The following SLC12A2 variants were observed in gnomAD, a reference collection of about 807,000 sequenced individuals.
The protein encoded by SLC12A2 is Na-K-2Cl cotransporter 1.
SLC12A2 carries 67 observed loss-of-function variants against 136.3 expected under a neutral mutation model. The ratio of observed to expected loss-of-function variants is 0.49; its 90% CI spans 0.40 to 0.60. The LOEUF (loss-of-function observed/expected upper bound fraction) is 0.60. Among genes scored for constraint, SLC12A2 ranks in the 20% least tolerant of loss-of-function variants. The pLI, the probability that SLC12A2 is intolerant of heterozygous loss-of-function variation, is 0.00. For missense variants in SLC12A2, 1,322 were observed against 1,534.7 expected (o/e 0.86, Z 2.32); for synonymous variants, 619 against 562.9 (o/e 1.10, Z -1.41).
At chr5:128,110,660 T>TC in intron 1 of SLC12A2, 1 of 1,242,044 alleles carries the variant, frequency 8.1e-7, no homozygotes, top group African/African-American at 1.5e-5. Flanking sequence ...AAGCCAAGAC[T>TC]CCGTCTACTA....
chr5:128,163,576 A>G (rs1350636864), intron 17 of SLC12A2, among the ~76,000 whole-genome samples: 2 of 152,160 alleles, frequency 1.3e-5, no homozygotes, highest in African/African-American at 4.8e-5. Flanking sequence ...ATAGTGAAAA[A>G]GAATCGGAAG....
chr5:128,131,544 A>G (rs1234024198), intron 5 of SLC12A2, among the ~76,000 whole-genome samples: 1 of 151,800 alleles, frequency 6.6e-6, no homozygotes, highest in Non-Finnish European at 1.5e-5. Context: ...ATACAAAAAA[A>G]AAAAAAAAAA....
chr5:128,184,199 G>T (rs534504903), intron 24 of SLC12A2, among the ~76,000 whole-genome samples, 167 bp from the exon 25 acceptor site: 1 of 152,152 alleles, frequency 6.6e-6, no homozygotes, highest in East Asian at 1.9e-4. Flanking sequence ...ACTAGAAATT[G>T]CTGTTTTTGA....
intron 10 of SLC12A2, among the ~76,000 whole-genome samples, chr5:128,144,291 A>T (rs1400636627): frequency 6.6e-6 from 1 of 152,188 alleles, no homozygotes; most frequent in Non-Finnish European, 1.5e-5. Flanking sequence ...ACTTTTCAAA[A>T]ATACTTTGTA....
rs1009068162 is a variant in SLC12A2 at position 128,151,511 on chromosome 5, C to T, written c.2263+115C>T. On this transcript the variant is annotated intron_variant, in intron 14 of 26. Coordinates refer to ENST00000262461, the MANE Select transcript of SLC12A2 (RefSeq NM_001046.3). The stretch of plus-strand genomic sequence containing the variant: ...GCATCATCTTTTGTATATTTGAAAG[C>T]TACTTTGTATAAAACCTAAAATACT... 38 of 981,336 alleles carry T rather than the reference C, an allele frequency of 3.9e-5. 1 individual carries two copies. The highest frequency in any genetic ancestry group is 2.9e-4 in the Admixed American group (9 of 31,068). 60.8% of individuals were successfully genotyped at this position (981,336 alleles called of 1,614,324 possible).
intron 1 of SLC12A2, among the ~76,000 whole-genome samples, chr5:128,103,112 T>C (rs1760805266): frequency 1.3e-5 from 2 of 152,152 alleles, no homozygotes; most frequent in South Asian, 4.1e-4. Context: ...TGCTGAGGAG[T>C]AGAATTGCTG....
intron 15 of SLC12A2, among the ~76,000 whole-genome samples, chr5:128,154,450 A>C (rs988868554): frequency 5.3e-5 from 8 of 152,018 alleles, no homozygotes; most frequent in African/African-American, 1.7e-4. Context: ...TTGGCTTTTT[A>C]ATTTTTATTA....
In SLC12A2 at chr5:128,084,853, GGTGGA is replaced by G; in HGVS notation, c.756+144_756+148del. The G allele has an allele frequency of 9.9e-7, 1 of 1,010,818 alleles. No homozygotes were observed. Among genetic ancestry groups the G allele is most frequent in the Non-Finnish European group, 1.4e-6 (1 of 713,120 alleles). 62.6% of individuals were successfully genotyped at this position (1,010,818 alleles called of 1,614,324 possible). ...GGCATCTCTGGATTCAGCTGTCAAG[GGTGGA>G]ATTGCCGAGGAATGTTAACTTAATC... On this transcript the variant is annotated intron_variant, in intron 1 of 26. Coordinates refer to ENST00000262461, the MANE Select transcript of SLC12A2 (RefSeq NM_001046.3). This position sits in a 1 kb window ranked among gnomAD's most constrained non-coding sequence, Gnocchi z 5.6.
intron 16 of SLC12A2, 95 bp downstream of exon 16, chr5:128,158,259 G>A: frequency 1.2e-6 from 1 of 848,478 alleles, no homozygotes; most frequent in Non-Finnish European, 1.9e-6. Context: ...TAGCTAAATT[G>A]TGTGTCACAG....
intron 15 of SLC12A2, among the ~76,000 whole-genome samples, chr5:128,157,772 A>G (rs1359929859): frequency 6.6e-6 from 1 of 152,174 alleles, no homozygotes; most frequent in Admixed American, 6.6e-5. Flanking sequence ...TATTTTTTTA[A>G]CTAGCATGAT....
intron 4 of SLC12A2, among the ~76,000 whole-genome samples, chr5:128,120,712 G>C (rs1380943900): frequency 6.6e-6 from 1 of 152,026 alleles, no homozygotes; most frequent in Non-Finnish European, 1.5e-5. Context: ...ACTGTTGTGG[G>C]GTGAGGGGAG....
rs755810928 is a variant in SLC12A2 at position 128,084,627 on chromosome 5, G to C, written c.673G>C (p.Asp225His). The change falls in exon 1 of 27, where the codon GAT (aspartate) becomes CAT (histidine). Residue 225 changes from aspartate (D) to histidine (H), a missense_variant. Asp to His is a moderately conservative substitution (Grantham distance 81, BLOSUM62 -1). This residue lies in a region of SLC12A2 where 32 missense variants were observed against 63.6 expected (regional missense o/e 0.50). Coordinates refer to ENST00000262461, the MANE Select transcript of SLC12A2 (RefSeq NM_001046.3). The surrounding 1 kb of genome is among the most constrained non-coding windows in gnomAD (Gnocchi z 5.6). ...HNTMDAVPRI[D>H]HYRHTAAQLG... is the part of the protein sequence containing the mutation. ...CACCATGGACGCTGTGCCCAGGATC[G>C]ATCACTACCGGCACACAGCCGCGCA... is the stretch of plus-strand genomic sequence containing the variant. 6.2e-7 allele frequency: 1 copy of C among 1,613,406 alleles called. No homozygotes were observed. Among genetic ancestry groups the C allele is most frequent in the Non-Finnish European group, 8.5e-7 (1 of 1,179,918 alleles).
At chr5:128,135,121 G>T (rs3805606) in intron 6 of SLC12A2, among the ~76,000 whole-genome samples, 52,806 of 151,860 alleles carry the variant, frequency 0.35, 11,873 homozygotes, top group African/African-American at 0.64. Context: ...GAGTGTTCAG[G>T]TTTATTGAGA....
At chr5:128,186,418 T>A (rs931244171) in intron 26 of SLC12A2, 78 bp from the exon 27 acceptor site, 1 of 1,392,248 alleles carries the variant, frequency 7.2e-7, no homozygotes, top group Non-Finnish European at 9.8e-7. Context: ...TAATCTACTT[T>A]ATAATTTTTG....
intron 16 of SLC12A2, among the ~76,000 whole-genome samples, chr5:128,160,302 TG>T (rs1762998167): frequency 6.6e-6 from 1 of 152,076 alleles, no homozygotes; most frequent in South Asian, 2.1e-4. Context: ...GACAGGTTGA[TG>T]GGTGCAGCAA....
At chr5:128,099,687 T>G (rs1345069278) in intron 1 of SLC12A2, among the ~76,000 whole-genome samples, 1 of 152,144 alleles carries the variant, frequency 6.6e-6, no homozygotes, top group Non-Finnish European at 1.5e-5. Flanking sequence ...TTTTAAAAAT[T>G]TTAGGTTTGT....
At chr5:128,085,595 GT>G (rs1426098694) in intron 1 of SLC12A2, among the ~76,000 whole-genome samples, 1 of 152,152 alleles carries the variant, frequency 6.6e-6, no homozygotes, top group Non-Finnish European at 1.5e-5. Flanking sequence ...TTTCGTTAAT[GT>G]TTAACTTTTT....
At chr5:128,096,192 T>C (rs1363094595) in intron 1 of SLC12A2, among the ~76,000 whole-genome samples, 1 of 152,080 alleles carries the variant, frequency 6.6e-6, no homozygotes, top group Non-Finnish European at 1.5e-5. Context: ...CCTAATTATT[T>C]AGTAGCAGAC....
chr5:128,147,871 T>C, intron 11 of SLC12A2, 142 bp downstream of exon 11: 1 of 446,230 alleles, frequency 2.2e-6, no homozygotes, highest in Non-Finnish European at 4.0e-6. Flanking sequence ...CATAAAGATA[T>C]ACATAGTTAA....
Sources: allele counts gnomAD v4.1 joint callset (sites outside exome capture counted in the v4.1 genomes callset), GRCh38; gene constraint gnomAD v4.1.1; regional missense constraint gnomAD v4.1.1; non-coding constraint Gnocchi (gnomAD v3.1); transcripts MANE v1.5; gene names NCBI Gene and HGNC (gene_info 2026-07-23, HGNC 2026-07-21).